The following TNS1 variants were observed in gnomAD, a reference collection of about 807,000 sequenced individuals.
The protein encoded by TNS1 is tensin-1.
TNS1 carries 62 observed loss-of-function variants against 168.6 expected under a neutral mutation model. The ratio of observed to expected loss-of-function variants is 0.37; its 90% CI spans 0.30 to 0.45. The LOEUF is 0.45. Among genes scored for constraint, TNS1 ranks in the 20% least tolerant of loss-of-function variants. The pLI is 1.00. For missense variants in TNS1, 2,240 were observed against 2,339.4 expected, an observed-to-expected ratio of 0.96 and a Z score of 0.88; for synonymous variants, 934 against 933.2, an observed-to-expected ratio of 1.00 and a Z score of -0.02.
rs1942884832 is a variant in TNS1, at chr2:217,821,721, C to T, written c.3572+19G>A. On this transcript the variant is annotated intron_variant, in intron 23 of 32. Coordinates refer to ENST00000682258, the MANE Select transcript of TNS1 (RefSeq NM_001387777.1). ...GGCCCGGATTCCCATCCCCCACCCA[C>T]TGCCCCTTCCCGGCTTACCTGTCAG... The T allele has an allele frequency of 7.1e-7, 1 of 1,416,852 alleles. No homozygotes were observed. The highest frequency in any genetic ancestry group is 1.5e-5 in the African/African-American group (1 of 67,732). The allele number at this position is 1,416,852 out of a possible 1,614,324, so 87.8% of individuals were successfully genotyped here.
intron 4 of TNS1, among the ~76,000 whole-genome samples, chr2:217,910,822 T>G (rs1306360358): frequency 1.3e-5 from 2 of 150,674 alleles, no homozygotes; most frequent in East Asian, 3.9e-4. Context: ...AGACATCATC[T>G]CCTCCATCCC....
chr2:217,929,347 C>A (rs1339970842), intron 3 of TNS1, among the ~76,000 whole-genome samples: 1 of 152,142 alleles, frequency 6.6e-6, no homozygotes, highest in Non-Finnish European at 1.5e-5. Flanking sequence ...CACACTAGGC[C>A]GGACTTCTTA....
intron 25 of TNS1, chr2:217,814,137 G>A: frequency 5.2e-6 from 1 of 191,284 alleles, no homozygotes; most frequent in Non-Finnish European, 1.1e-5. Flanking sequence ...CAGTAGCTGG[G>A]ACCACAGGCC....
At chr2:217,851,748 C>T (rs887894617) in intron 18 of TNS1, among the ~76,000 whole-genome samples, 1 of 152,240 alleles carries the variant, frequency 6.6e-6, no homozygotes, top group African/African-American at 2.4e-5. Flanking sequence ...CCTCTTCCAA[C>T]CCCCTATTAT....
chr2:217,956,983 G>T (rs2125991412), intron 3 of TNS1, among the ~76,000 whole-genome samples: 1 of 152,350 alleles, frequency 6.6e-6, no homozygotes, highest in African/African-American at 2.4e-5. Flanking sequence ...GGATCAGGGA[G>T]CGTCAGAGCA....
In TNS1 at chr2:217,821,888, G is replaced by C. The variant is rs1347992348; in HGVS notation, c.3424C>G (p.Arg1142Gly). The C allele has an allele frequency of 3.1e-6, 5 of 1,589,588 alleles. No homozygotes were observed. The highest frequency in any genetic ancestry group is 3.3e-4 in the Middle Eastern group (2 of 6,008). ...SVARTAVAGP[R>G]AQDSEPKSFS... ...CTCTTGGGCTCAGAGTCCTGAGCTC[G>C]GGGTCCAGCCACCGCTGTCCGTGCC... The change falls in exon 23 of 33, where the codon CGA becomes GGA. Residue 1142 changes from arginine to glycine, a missense_variant. Physicochemically the swap from Arg to Gly is moderately radical, Grantham distance 125. Coordinates refer to ENST00000682258, the MANE Select transcript of TNS1 (RefSeq NM_001387777.1).
intron 21 of TNS1, among the ~76,000 whole-genome samples, chr2:217,832,150 C>G (rs1037836541): frequency 6.6e-6 from 1 of 152,196 alleles, no homozygotes; most frequent in Non-Finnish European, 1.5e-5. Flanking sequence ...CTTGAAAAGC[C>G]CAGGAGGAGA....
At chr2:217,850,008 A>G in intron 18 of TNS1, 1 of 985,404 alleles carries the variant, frequency 1.0e-6, no homozygotes, top group Non-Finnish European at 1.2e-6. Context: ...GCCCACTGCC[A>G]CATTTCCAGA....
chr2:217,909,123 G>A (rs946328610), intron 4 of TNS1, among the ~76,000 whole-genome samples: 3 of 128,114 alleles, frequency 2.3e-5, no homozygotes, highest in Non-Finnish European at 3.2e-5. Flanking sequence ...AAGCAGTGTC[G>A]CCCACCCCAG....
In TNS1 at chr2:217,805,506, AC is replaced by A. The variant is rs1938509499; in HGVS notation, c.5376-904del. Among the ~76,000 whole-genome samples, 469 of 49,604 alleles carry A rather than the reference AC, an allele frequency of 9.5e-3. 5 individuals are homozygous for A. Among genetic ancestry groups the A allele is most frequent in the African/African-American group, 0.049 (418 of 8,556 alleles). The allele number at this position is 49,604 out of a possible 152,430, so 32.5% of individuals were successfully genotyped here. On this transcript the variant is annotated intron_variant, in intron 32 of 32. Coordinates refer to ENST00000682258, the MANE Select transcript of TNS1 (RefSeq NM_001387777.1). ...ACACCACACACACACCACACACACCACCACACACACCACACACACCACACAC... is the reference window on the plus strand; with the variant it reads ...ACACCACACACACACCACACACACCACACACACACCACACACACCACACAC...
chr2:217,859,483 T>C, intron 18 of TNS1: 2 of 649,832 alleles, frequency 3.1e-6, no homozygotes, highest in South Asian at 3.6e-5. Flanking sequence ...AGGACCTGAA[T>C]AGAAGGACTG....
rs1958204318 is a variant in TNS1, at chr2:217,986,760, C to T, written c.148+4182G>A. On this transcript the variant is annotated intron_variant, in intron 2 of 32. Coordinates refer to ENST00000682258, the MANE Select transcript of TNS1 (RefSeq NM_001387777.1). This position sits in a 1 kb window ranked among gnomAD's most constrained non-coding sequence, Gnocchi z 4.7. The stretch of plus-strand genomic sequence containing the variant: ...ACACACACACACACACACACACACA[C>T]ACGCACGCACGCACGTACCTGTGTC... 6.8e-6 allele frequency: 1 copy of T among 146,644 alleles called. No homozygotes were observed. The highest frequency in any genetic ancestry group is 6.6e-5 in the Admixed American group (1 of 15,050). The allele number at this position is 146,644 out of a possible 1,614,324, so 9.1% of individuals were successfully genotyped here. A position where few individuals can be genotyped will look rare whatever the true frequency, so the allele number is the denominator to read the frequency against.
chr2:217,829,935 C>G (rs575078325), intron 22 of TNS1: 116 of 1,607,978 alleles, frequency 7.2e-5, no homozygotes, highest in Non-Finnish European at 6.8e-6. Flanking sequence ...GAAAGAAGGG[C>G]AGGTGGTGAA....
chr2:217,969,522 T>C (rs1274947347), intron 3 of TNS1, among the ~76,000 whole-genome samples: 1 of 151,704 alleles, frequency 6.6e-6, no homozygotes, highest in Non-Finnish European at 1.5e-5. Flanking sequence ...AAAAAAAAAA[T>C]TCAGATCTAT....
intron 5 of TNS1, 102 bp downstream of exon 5, chr2:217,907,108 A>C: frequency 1.5e-6 from 1 of 671,544 alleles, no homozygotes. Flanking sequence ...CATTTCCCCA[A>C]CCACATCTGT....
intron 4 of TNS1, among the ~76,000 whole-genome samples, chr2:217,914,022 A>G (rs933456751): frequency 6.6e-6 from 1 of 151,834 alleles, no homozygotes; most frequent in Non-Finnish European, 1.5e-5. Flanking sequence ...AATTGGTACC[A>G]AGGTCCTACG....
At chr2:218,018,526 C>T (rs970679968) in intron 1 of TNS1, among the ~76,000 whole-genome samples, 9 of 152,238 alleles carry the variant, frequency 5.9e-5, no homozygotes, top group African/African-American at 2.2e-4. Context: ...CCATGGGGAA[C>T]GAGGCCGCTT....
At chr2:217,804,657 A>C in intron 32 of TNS1, 54 bp from the exon 33 acceptor site, 2 of 1,606,258 alleles carry the variant, frequency 1.2e-6, no homozygotes, top group Non-Finnish European at 1.7e-6. Context: ...GAACCCCAGG[A>C]GGTGGACAGC....
chr2:217,944,470 G>A (rs1292128283), intron 3 of TNS1, among the ~76,000 whole-genome samples: 3 of 152,174 alleles, frequency 2.0e-5, no homozygotes, highest in Non-Finnish European at 4.4e-5. Flanking sequence ...TTGCTGAGAT[G>A]GTGATGATGA....
Sources: allele counts gnomAD v4.1 joint callset (sites outside exome capture counted in the v4.1 genomes callset), GRCh38; gene constraint gnomAD v4.1.1; non-coding constraint Gnocchi (gnomAD v3.1); transcripts MANE v1.5; gene names NCBI Gene and HGNC (gene_info 2026-07-23, HGNC 2026-07-21).